The following NMRK1 variants were observed in gnomAD, a reference collection of about 807,000 sequenced individuals.
The protein encoded by NMRK1 is nicotinamide riboside kinase 1.
A neutral mutation model predicts 29.9 loss-of-function variants in NMRK1; 28 were observed. The observed-to-expected ratio is 0.94, with a 90% CI of 0.69 to 1.28. NMRK1 has a LOEUF of 1.28. NMRK1 is among the 50% of genes most tolerant of loss of function. The pLI is 0.00. For missense variants in NMRK1, 218 were observed against 233.1 expected (o/e 0.94, Z 0.42); for synonymous variants, 58 against 73.0 (o/e 0.79, Z 1.05).
At chr9:75,084,446 G>C (rs1447803316) in intron 1 of NMRK1, among the ~76,000 whole-genome samples, 1 of 152,210 alleles carries the variant, frequency 6.6e-6, no homozygotes, top group African/African-American at 2.4e-5. Flanking sequence ...TAAGACTGGG[G>C]TCCACTTCCA....
At chr9:75,063,470 GT>G (rs1467936517) in intron 8 of NMRK1, among the ~76,000 whole-genome samples, 1 of 152,018 alleles carries the variant, frequency 6.6e-6, no homozygotes, top group Non-Finnish European at 1.5e-5. Flanking sequence ...AGACTACTTT[GT>G]TTTAGTAAGA....
intron 2 of NMRK1, among the ~76,000 whole-genome samples, chr9:75,079,188 C>A (rs1824178406): frequency 6.6e-6 from 1 of 152,156 alleles, no homozygotes. Flanking sequence ...GTAGAAGGAA[C>A]CTGATTCACA....
In NMRK1 at chr9:75,071,993, A is replaced by G. The variant is rs1436182027; in HGVS notation, c.170-1951T>C. Among the ~76,000 whole-genome samples, 3 of 152,172 alleles carry G rather than the reference A, an allele frequency of 2.0e-5. No homozygotes were observed. In the East Asian group the frequency reaches 5.8e-4, roughly 29 times the overall value. Reference sequence around the variant, plus strand: ...GAGGGGTGACTCACCCTGCCTTGCTAATGCTGAATGGATCTTCTGGAAGTC... The same window carrying G: ...GAGGGGTGACTCACCCTGCCTTGCTGATGCTGAATGGATCTTCTGGAAGTC... On this transcript the variant is annotated intron_variant, in intron 4 of 8. Coordinates refer to ENST00000361092, the MANE Select transcript of NMRK1 (RefSeq NM_017881.3).
At chr9:75,073,477 C>T (rs1191151494) in intron 4 of NMRK1, among the ~76,000 whole-genome samples, 2 of 152,160 alleles carry the variant, frequency 1.3e-5, no homozygotes, top group Non-Finnish European at 2.9e-5. Flanking sequence ...TGGTGGCTCA[C>T]ACCTGTATCC....
Position 75,069,086 on chromosome 9 carries a change from G to A in NMRK1, c.406C>T (p.Pro136Ser). The change falls in exon 7 of 9, where the codon CCT becomes TCT. Residue 136 changes from proline to serine, a missense_variant. By Grantham distance (74) the Pro-to-Ser change is moderately conservative (BLOSUM62 -1). Coordinates refer to ENST00000361092, the MANE Select transcript of NMRK1 (RefSeq NM_017881.3). Reference protein sequence around the residue: ...KRRRSTRVYQPPDSPGYFDGH... With the variant: ...KRRRSTRVYQSPDSPGYFDGH... The stretch of plus-strand genomic sequence containing the variant: ...TCAAAGTATCCCGGAGAGTCTGGAG[G>A]CTGATAGACCCTTGTACTATCAAAA... 1 of 1,613,376 alleles carries A rather than the reference G, an allele frequency of 6.2e-7. No individual in the cohort carries two copies. Among genetic ancestry groups the A allele is most frequent in the Non-Finnish European group, 8.5e-7 (1 of 1,179,298 alleles).
At chr9:75,071,981 C>T (rs943754882) in intron 4 of NMRK1, among the ~76,000 whole-genome samples, 1 of 152,222 alleles carries the variant, frequency 6.6e-6, no homozygotes, top group African/African-American at 2.4e-5. Context: ...GGGTGACTCA[C>T]CCTGCCTTGC....
chr9:75,083,459 T>A (rs1389808050), intron 1 of NMRK1, among the ~76,000 whole-genome samples: 1 of 152,192 alleles, frequency 6.6e-6, no homozygotes, highest in Non-Finnish European at 1.5e-5. Flanking sequence ...TGAAGTTTCA[T>A]CCTCTCCTTA....
Position 75,069,725 on chromosome 9 carries a change from A to G in NMRK1, c.389+17T>C. On this transcript the variant is annotated intron_variant, in intron 6 of 8. Coordinates refer to ENST00000361092, the MANE Select transcript of NMRK1 (RefSeq NM_017881.3). Reference sequence around the variant, plus strand: ...TTGTTTTGAATTACAACTCACAAAGATGGCTTCAAAACTTACCTCCTCCTC... The same window carrying G: ...TTGTTTTGAATTACAACTCACAAAGGTGGCTTCAAAACTTACCTCCTCCTC... 1 of 1,597,784 alleles carries G rather than the reference A, an allele frequency of 6.3e-7. No individual in the cohort carries two copies. The highest frequency in any genetic ancestry group is 1.3e-5 in the African/African-American group (1 of 74,264).
intron 2 of NMRK1, among the ~76,000 whole-genome samples, chr9:75,082,217 A>G (rs1212615540): frequency 6.6e-6 from 1 of 152,220 alleles, no homozygotes; most frequent in Non-Finnish European, 1.5e-5. Flanking sequence ...GACAGCCTGT[A>G]TCAGGATGGT....
rs1587343423 is a variant in NMRK1 at position 75,061,354 on chromosome 9, T to C, written c.*194A>G. On this transcript the variant is annotated 3_prime_UTR_variant, in exon 9 of 9. Transcript: ENST00000361092. ...GCTCCCTGGAGAGGGAGCAACTTGC[T>C]AAGGTACAGTCCTGTCCATTGGCAT... 2.6e-5 allele frequency: 14 copies of C among 532,770 alleles called. No individual in the cohort carries two copies. The East Asian group carries it at 4.3e-4, about 16-fold the overall frequency. 33.0% of individuals were successfully genotyped at this position (532,770 alleles called of 1,614,324 possible).
chr9:75,076,039 A>C (rs1312238495), intron 4 of NMRK1, among the ~76,000 whole-genome samples: 1 of 152,262 alleles, frequency 6.6e-6, no homozygotes, highest in East Asian at 1.9e-4. Context: ...AATTAAAAAT[A>C]GAACTACCTC....
In NMRK1 at chr9:75,083,102, A is replaced by G. The variant is rs1824412433; in HGVS notation, c.14T>C (p.Ile5Thr). 2 of 1,598,806 alleles carry G rather than the reference A, an allele frequency of 1.3e-6. No individual in the cohort carries two copies. Among genetic ancestry groups the G allele is most frequent in the Non-Finnish European group, 1.7e-6 (2 of 1,166,126 alleles). The change falls in exon 2 of 9, where the codon ATC becomes ACC. Residue 5 changes from isoleucine to threonine, a missense_variant. Ile to Thr is a moderately conservative substitution (Grantham distance 89, BLOSUM62 -1). Coordinates refer to ENST00000361092, the MANE Select transcript of NMRK1 (RefSeq NM_017881.3). Reference protein sequence around the residue: MKTFIIGISGVTNSG... With the variant: MKTFTIGISGVTNSG... Reference sequence around the variant, plus strand: ...AATTACTCACCCACTGATTCCAATGATAAATGTTTTCATAATTAGCTTTGA... The same window carrying G: ...AATTACTCACCCACTGATTCCAATGGTAAATGTTTTCATAATTAGCTTTGA...
At chr9:75,079,302 A>G (rs1824184330) in intron 2 of NMRK1, among the ~76,000 whole-genome samples, 1 of 152,244 alleles carries the variant, frequency 6.6e-6, no homozygotes, top group Non-Finnish European at 1.5e-5. Flanking sequence ...TCAAGAACAT[A>G]TTATGACTTT....
chr9:75,075,353 GA>G (rs11345087), intron 4 of NMRK1, among the ~76,000 whole-genome samples: 111,965 of 151,314 alleles, frequency 0.74, 41,971 homozygotes, highest in East Asian at 0.87. Context: ...AGGAAGAGAA[GA>G]AAAAAAAAAT....
chr9:75,087,105 C>T (rs1341407472), intron 1 of NMRK1, among the ~76,000 whole-genome samples: 1 of 152,026 alleles, frequency 6.6e-6, no homozygotes, highest in Non-Finnish European at 1.5e-5. Context: ...TCGGGTTTCA[C>T]CAGGTTGGCC....
At chr9:75,064,166 G>C (rs1219522845) in intron 8 of NMRK1, among the ~76,000 whole-genome samples, 1 of 152,122 alleles carries the variant, frequency 6.6e-6, no homozygotes, top group Non-Finnish European at 1.5e-5. Context: ...ATTTGGAATG[G>C]AGCTGGTTGC....
chr9:75,066,603 C>A (rs1040569350), intron 8 of NMRK1, among the ~76,000 whole-genome samples, 154 bp downstream of exon 8: 1 of 148,056 alleles, frequency 6.8e-6, no homozygotes, highest in African/African-American at 2.5e-5. Flanking sequence ...AACCCCCCCC[C>A]AGAATTTCTG....
At chr9:75,069,717 T>C (rs771505909) in intron 6 of NMRK1, 25 bp downstream of exon 6, 3 of 1,590,826 alleles carry the variant, frequency 1.9e-6, no homozygotes, top group Non-Finnish European at 2.6e-6. Context: ...GAATTACAAC[T>C]CACAAAGATG....
chr9:75,080,427 G>A (rs1288805005), intron 2 of NMRK1, among the ~76,000 whole-genome samples: 1 of 152,110 alleles, frequency 6.6e-6, no homozygotes, highest in East Asian at 1.9e-4. Flanking sequence ...CGAGGTGGGT[G>A]GATCACCTGA....
Sources: allele counts gnomAD v4.1 joint callset (sites outside exome capture counted in the v4.1 genomes callset), GRCh38; gene constraint gnomAD v4.1.1; transcripts MANE v1.5; gene names NCBI Gene and HGNC (gene_info 2026-07-23, HGNC 2026-07-21).